The following VCL variants were observed in gnomAD, a reference collection of about 807,000 sequenced individuals.
VCL encodes the protein epididymis luminal protein 114.
Under a neutral mutation model 125.7 loss-of-function variants are expected in VCL, and 47 were observed. The ratio of observed to expected loss-of-function variants is 0.37; its 90% CI spans 0.30 to 0.48. The LOEUF (loss-of-function observed/expected upper bound fraction) is 0.48. VCL is among the 20% of genes least tolerant of loss of function. The pLI is 0.99. For missense variants in VCL, 1,069 were observed against 1,455.5 expected (o/e 0.73, Z 4.32); for synonymous variants, 458 against 514.6 (o/e 0.89, Z 1.49).
rs113108449 is a variant in VCL, at chr10:74,074,441, C to G, written c.623-302C>G. On this transcript the variant is annotated intron_variant, in intron 5 of 21. Transcript: ENST00000211998. ...GCCAGGGTGAGGGCCAGGATGATAA[C>G]TGATTTAGAAGGATATTAGATATTT... is the stretch of plus-strand genomic sequence containing the variant. Among the ~76,000 whole-genome samples the G allele has an allele frequency of 4.3e-4, 66 of 152,270 alleles. 1 individual carries two copies. The highest frequency in any genetic ancestry group is 1.3e-3 in the African/African-American group (55 of 41,566).
At position 74,104,837 on chromosome 10, in the gene VCL, C is replaced by T; in HGVS notation, c.2132-214C>T. 13 of 610,258 alleles carry T rather than the reference C, an allele frequency of 2.1e-5. No homozygotes were observed. In the South Asian group the frequency reaches 2.4e-4, roughly 11 times the overall value. 37.8% of individuals were successfully genotyped at this position (610,258 alleles called of 1,614,324 possible). On this transcript the variant is annotated intron_variant, in intron 15 of 21. Transcript: ENST00000211998. Reference sequence around the variant, plus strand: ...CTGGCAACCACGGTTGGTATAAATGCTGCAAATCCAGATGGGCTTTTGGGC... The same window carrying T: ...CTGGCAACCACGGTTGGTATAAATGTTGCAAATCCAGATGGGCTTTTGGGC...
intron 6 of VCL, among the ~76,000 whole-genome samples, chr10:74,080,343 T>G (rs1350244916): frequency 6.6e-6 from 1 of 152,094 alleles, no homozygotes; most frequent in Non-Finnish European, 1.5e-5. Context: ...TGATAAGCAA[T>G]GAGGTTTGGA....
chr10:74,047,197 C>T lies in VCL; in HGVS notation c.239+4044C>T, dbSNP rs528352104. ...CTGTAATCCCAGCACTTTGGGAGGC[C>T]GAGGTGGGAGGATTGCTTAAGCCCA... On this transcript the variant is annotated intron_variant, in intron 2 of 21. Coordinates refer to ENST00000211998, the MANE Select transcript of VCL (RefSeq NM_014000.3). 3.5e-4 allele frequency among the ~76,000 whole-genome samples: 53 copies of T among 152,052 alleles called. 1 individual carries two copies. The South Asian group carries it at 9.6e-3, about 27-fold the overall frequency.
rs572967605 is a variant in VCL at position 74,082,071 on chromosome 10, A to C, written c.784-383A>C. 4.6e-5 allele frequency among the ~76,000 whole-genome samples: 7 copies of C among 152,206 alleles called. No individual in the cohort carries two copies. In the South Asian group the frequency reaches 6.2e-4, roughly 14 times the overall value. On this transcript the variant is annotated intron_variant, in intron 6 of 21. Transcript: ENST00000211998. ...CTAACGAGGCTTCCCTGAGGTGGGA[A>C]GGGCTTTGGCAAGGCTGCAGTAGAT...
intron 1 of VCL, among the ~76,000 whole-genome samples, chr10:74,014,801 C>CCTGG (rs1840506890): frequency 6.6e-6 from 1 of 152,158 alleles, no homozygotes; most frequent in Non-Finnish European, 1.5e-5. Context: ...CTCAAGCTTG[C>CCTGG]ATTAGTCTCC....
intron 18 of VCL, 48 bp downstream of exon 18, chr10:74,109,204 G>A (rs932495284): frequency 6.2e-7 from 1 of 1,610,522 alleles, no homozygotes; most frequent in Non-Finnish European, 8.5e-7. Context: ...TTCTCGGAAA[G>A]GATGAAGGAC....
Position 73,998,211 on chromosome 10 carries a change from C to G in VCL, c.4C>G (p.Pro2Ala), listed in dbSNP as rs929741279. Residue 2 changes from proline (P) to alanine (A), a missense_variant, in exon 1 of 22, where the codon CCA becomes GCA. By Grantham distance (27) the Pro-to-Ala change is conservative. This residue lies in a region of VCL where 96 missense variants were observed against 137.6 expected (regional missense o/e 0.70). Transcript: ENST00000211998. M[P>A]VFHTRTIESI... is the part of the protein sequence containing the mutation. ...CGCCGCCCCGCTCGCCGCCGCGATG[C>G]CAGTGTTTCATACGCGCACGATCGA... 1.2e-6 allele frequency: 2 copies of G among 1,612,350 alleles called. No individual in the cohort carries two copies. The highest frequency in any genetic ancestry group is 1.7e-6 in the Non-Finnish European group (2 of 1,179,364).
downstream of VCL, chr10:74,120,872 AG>A (rs1840428203): frequency 6.6e-6 from 1 of 152,196 alleles, no homozygotes; most frequent in Admixed American, 6.5e-5. Flanking sequence ...TAGGGTTTTC[AG>A]GGATCCACCA....
intron 1 of VCL, among the ~76,000 whole-genome samples, chr10:74,000,089 T>C (rs1840199213): frequency 6.6e-6 from 1 of 152,166 alleles, no homozygotes; most frequent in South Asian, 2.1e-4. Context: ...TAGAGAAAAG[T>C]TATTTATGGG....
intron 9 of VCL, 50 bp from the exon 10 acceptor site, chr10:74,089,973 G>A: frequency 6.2e-7 from 1 of 1,609,996 alleles, no homozygotes; most frequent in South Asian, 1.1e-5. Flanking sequence ...TTAGTAGAAA[G>A]GAGTGTGTGA....
chr10:74,005,581 ATCATTTT>A (rs1840308323), intron 1 of VCL, among the ~76,000 whole-genome samples: 1 of 152,108 alleles, frequency 6.6e-6, no homozygotes, highest in Non-Finnish European at 1.5e-5. Flanking sequence ...TTTTGTTCCA[ATCATTTT>A]TAACATTTAC....
chr10:74,090,797 T>A (rs952022724), intron 10 of VCL, among the ~76,000 whole-genome samples: 26 of 151,688 alleles, frequency 1.7e-4, no homozygotes, highest in African/African-American at 5.8e-4. Context: ...TTTTTTTTTT[T>A]ATTTTTTATT....
At chr10:74,115,063 T>G (rs998947471) in intron 21 of VCL, among the ~76,000 whole-genome samples, 164 bp downstream of exon 21, 1 of 152,004 alleles carries the variant, frequency 6.6e-6, no homozygotes, top group African/African-American at 2.4e-5. Context: ...GTTGGATAGA[T>G]ACATCAGAAA....
intron 12 of VCL, among the ~76,000 whole-genome samples, chr10:74,096,376 T>TAAAC (rs1435133298): frequency 6.6e-6 from 1 of 152,048 alleles, no homozygotes; most frequent in Non-Finnish European, 1.5e-5. Context: ...AATAAATAAA[T>TAAAC]GAAAGAAAAC....
chr10:74,062,893 C>T (rs1407831636), intron 2 of VCL, among the ~76,000 whole-genome samples: 1 of 152,062 alleles, frequency 6.6e-6, no homozygotes, highest in Non-Finnish European at 1.5e-5. Context: ...CATGATACCC[C>T]GTCGCTACTA....
intron 1 of VCL, among the ~76,000 whole-genome samples, chr10:74,026,664 C>A (rs1431492022): frequency 6.6e-6 from 1 of 152,178 alleles, no homozygotes; most frequent in Non-Finnish European, 1.5e-5. Context: ...AGGTGATTTA[C>A]ATATGTATTA....
chr10:74,091,156 A>C (rs914788344), intron 10 of VCL, among the ~76,000 whole-genome samples: 1 of 152,204 alleles, frequency 6.6e-6, no homozygotes, highest in African/African-American at 2.4e-5. Context: ...CCTGCAGCAC[A>C]TGCTAAAATA....
chr10:74,078,954 A>G (rs1839635969), intron 6 of VCL, among the ~76,000 whole-genome samples: 1 of 152,112 alleles, frequency 6.6e-6, no homozygotes, highest in Non-Finnish European at 1.5e-5. Flanking sequence ...TATTCCCCAT[A>G]TTTAAAATTT....
At chr10:73,998,564 C>A (rs1840162030) in intron 1 of VCL, among the ~76,000 whole-genome samples, 189 bp downstream of exon 1, 1 of 152,222 alleles carries the variant, frequency 6.6e-6, no homozygotes, top group African/African-American at 2.4e-5. Flanking sequence ...CCTCTCCGGG[C>A]CTCAGTGTCC....
Sources: allele counts gnomAD v4.1 joint callset (sites outside exome capture counted in the v4.1 genomes callset), GRCh38; gene constraint gnomAD v4.1.1; regional missense constraint gnomAD v4.1.1; transcripts MANE v1.5; gene names NCBI Gene and HGNC (gene_info 2026-07-23, HGNC 2026-07-21).